The following TTLL9 variants were observed in gnomAD, a reference collection of about 807,000 sequenced individuals.
TTLL9 encodes the protein probable tubulin polyglutamylase TTLL9.
TTLL9 carries 47 observed loss-of-function variants against 65.6 expected under a neutral mutation model. That is an observed-to-expected ratio of 0.72 (90% confidence interval 0.57 to 0.91). The LOEUF (loss-of-function observed/expected upper bound fraction) is 0.91. Among genes scored for constraint, TTLL9 ranks in the 40% least tolerant of loss-of-function variants. TTLL9 has a pLI of 0.00. For synonymous variants in TTLL9, 179 were observed against 204.8 expected (o/e 0.87, Z 1.07); for missense variants, 537 against 568.8 (o/e 0.94, Z 0.57).
intron 2 of TTLL9, among the ~76,000 whole-genome samples, chr20:31,876,207 G>A (rs966377444): frequency 2.0e-5 from 3 of 152,190 alleles, no homozygotes; most frequent in Non-Finnish European, 4.4e-5. Context: ...AGCACTTTGG[G>A]AGGCTGAGGC....
intron 14 of TTLL9, among the ~76,000 whole-genome samples, 193 bp from the exon 15 acceptor site, chr20:31,942,752 C>T (rs1435017348): frequency 6.6e-6 from 1 of 152,160 alleles, no homozygotes; most frequent in Non-Finnish European, 1.5e-5. Flanking sequence ...GATGAGAAGA[C>T]CGATGCTGAA....
At chr20:31,905,492 C>T (rs544471183) in intron 4 of TTLL9, among the ~76,000 whole-genome samples, 1 of 152,286 alleles carries the variant, frequency 6.6e-6, no homozygotes, top group Admixed American at 6.5e-5. Context: ...CCCAGATTTT[C>T]ATGAGTAACT....
intron 6 of TTLL9, among the ~76,000 whole-genome samples, chr20:31,910,887 A>G (rs2063636157): frequency 6.6e-6 from 1 of 152,134 alleles, no homozygotes; most frequent in Non-Finnish European, 1.5e-5. Context: ...CAAAAATCTG[A>G]GTGGGGCCGA....
At chr20:31,941,779 T>C (rs544553395) in intron 14 of TTLL9, among the ~76,000 whole-genome samples, 1 of 152,292 alleles carries the variant, frequency 6.6e-6, no homozygotes, top group Non-Finnish European at 1.5e-5. Flanking sequence ...TCTCACTATA[T>C]TGACCAGGCT....
At chr20:31,933,779 T>C in intron 10 of TTLL9, 21 bp from the exon 11 acceptor site, 1 of 1,613,142 alleles carries the variant, frequency 6.2e-7, no homozygotes, top group Non-Finnish European at 8.5e-7. Context: ...ACGCTGACCC[T>C]TGACCACCAC....
intron 11 of TTLL9, 77 bp downstream of exon 11, chr20:31,933,935 G>A (rs1248882763): frequency 1.2e-5 from 17 of 1,458,252 alleles, no homozygotes; most frequent in Non-Finnish European, 1.6e-5. Flanking sequence ...GGAGTGGCAA[G>A]GAGCCCAGGA....
At chr20:31,924,687 G>A (rs944228207) in intron 8 of TTLL9, among the ~76,000 whole-genome samples, 1 of 152,098 alleles carries the variant, frequency 6.6e-6, no homozygotes, top group East Asian at 1.9e-4. Context: ...GGGCTCAAGC[G>A]ATCCTCCTGC....
At chr20:31,939,396 T>C (rs993735419) in intron 14 of TTLL9, 130 bp downstream of exon 14, 19 of 1,111,206 alleles carry the variant, frequency 1.7e-5, no homozygotes, top group South Asian at 1.6e-4. Context: ...CTGTGTGACC[T>C]TGGGCAAGGG....
At chr20:31,937,371 A>T in intron 12 of TTLL9, 25 bp from the exon 13 acceptor site, 1 of 1,584,688 alleles carries the variant, frequency 6.3e-7, no homozygotes. Context: ...TAACCCTAAG[A>T]CTCTCTACTC....
intron 8 of TTLL9, 81 bp downstream of exon 8, chr20:31,923,134 C>A: frequency 1.8e-6 from 2 of 1,106,142 alleles, no homozygotes; most frequent in Non-Finnish European, 2.8e-6. Context: ...CAGCAGCCTG[C>A]CAAGGGCCCA....
intron 10 of TTLL9, among the ~76,000 whole-genome samples, chr20:31,929,735 C>G (rs1013841305): frequency 6.6e-6 from 1 of 152,108 alleles, no homozygotes; most frequent in Non-Finnish European, 1.5e-5. Context: ...CTTCATAAAC[C>G]TTTTACAGTA....
intron 3 of TTLL9, 42 bp downstream of exon 3, chr20:31,887,281 C>A (rs1194737304): frequency 6.2e-7 from 1 of 1,603,674 alleles, no homozygotes; most frequent in Non-Finnish European, 8.5e-7. Flanking sequence ...GCGCAACCAA[C>A]TTCTCTCCCT....
At chr20:31,935,129 A>C (rs1427775805) in intron 12 of TTLL9, among the ~76,000 whole-genome samples, 1 of 152,180 alleles carries the variant, frequency 6.6e-6, no homozygotes, top group African/African-American at 2.4e-5. Context: ...CTGAGGACCG[A>C]GCCTGGCACT....
At chr20:31,922,915 G>A in intron 7 of TTLL9, 48 bp from the exon 8 acceptor site, 6 of 1,503,284 alleles carry the variant, frequency 4.0e-6, no homozygotes, top group South Asian at 2.3e-5. Flanking sequence ...TAGTACACAG[G>A]AAATGTTCCA....
chr20:31,928,275 T>C (rs566670119), intron 10 of TTLL9, among the ~76,000 whole-genome samples: 168 of 152,200 alleles, frequency 1.1e-3, no homozygotes, highest in African/African-American at 3.5e-3. Flanking sequence ...ATACACATTT[T>C]CCACCCCTTC....
intron 3 of TTLL9, among the ~76,000 whole-genome samples, chr20:31,897,953 C>A (rs1004149048): frequency 9.2e-5 from 14 of 152,142 alleles, no homozygotes; most frequent in Non-Finnish European, 1.9e-4. Context: ...GGGTTGGTGG[C>A]TTTTCATCTC....
In TTLL9 at chr20:31,943,652, A is replaced by C. The variant is rs1045675421; in HGVS notation, c.*631A>C. On this transcript the variant is annotated 3_prime_UTR_variant, in exon 15 of 15. Coordinates refer to ENST00000535842, the MANE Select transcript of TTLL9 (RefSeq NM_001008409.5). ...ACCATCATCTGAAAACCAGTGGGACAGGGCATCCCCATTTCTCAGATGGAC... is the reference window on the plus strand; with the variant it reads ...ACCATCATCTGAAAACCAGTGGGACCGGGCATCCCCATTTCTCAGATGGAC... 2 of 444,596 alleles carry C rather than the reference A, an allele frequency of 4.5e-6. No individual in the cohort carries two copies. The highest frequency in any genetic ancestry group is 4.9e-5 in the Admixed American group (2 of 41,204). The allele number at this position is 444,596 out of a possible 1,614,324, so 27.5% of individuals were successfully genotyped here. A position where few individuals can be genotyped will look rare whatever the true frequency, so the allele number is the denominator to read the frequency against.
intron 11 of TTLL9, 24 bp downstream of exon 11, chr20:31,933,882 G>A: frequency 6.2e-7 from 1 of 1,610,580 alleles, no homozygotes; most frequent in Non-Finnish European, 8.5e-7. Flanking sequence ...GCTCGGCTAT[G>A]CACGGGTACA....
At chr20:31,924,865 C>T (rs1285591022) in intron 8 of TTLL9, 144 bp from the exon 9 acceptor site, 8 of 888,986 alleles carry the variant, frequency 9.0e-6, no homozygotes, top group Non-Finnish European at 1.3e-5. Context: ...GCATGAGGCA[C>T]CGCGCCTAGC....
Sources: gnomAD v4.1 joint callset for allele counts (sites outside exome capture counted in the v4.1 genomes callset) on GRCh38, gnomAD v4.1.1 for gene constraint, MANE v1.5 for transcripts, NCBI Gene and HGNC (gene_info 2026-07-23, HGNC 2026-07-21) for gene names.